The following CCDC40 variants were observed in gnomAD, a reference collection of about 807,000 sequenced individuals.
The protein encoded by CCDC40 is coiled-coil domain 40 molecular ruler complex subunit.
CCDC40 carries 104 observed loss-of-function variants against 124.5 expected under a neutral mutation model. The observed-to-expected ratio is 0.84, with a 90% CI of 0.71 to 0.98. The LOEUF is 0.98. Among genes scored for constraint, CCDC40 ranks in the 50% least tolerant of loss-of-function variants. The pLI is 0.00. For missense variants in CCDC40, 1,463 were observed against 1,503.9 expected (o/e 0.97, Z 0.45); for synonymous variants, 580 against 602.9 (o/e 0.96, Z 0.56).
intron 13 of CCDC40, among the ~76,000 whole-genome samples, chr17:80,085,225 C>A (rs567476257): frequency 6.6e-6 from 1 of 152,230 alleles, no homozygotes; most frequent in Non-Finnish European, 1.5e-5. Context: ...GGCAGTGACA[C>A]GGCTCTGCCT....
intron 18 of CCDC40, among the ~76,000 whole-genome samples, chr17:80,096,072 T>G (rs1003979228): frequency 1.6e-4 from 25 of 152,378 alleles, no homozygotes; most frequent in African/African-American, 5.8e-4. Flanking sequence ...ACAGCCCCGC[T>G]GACCCGCTGT....
intron 10 of CCDC40, among the ~76,000 whole-genome samples, chr17:80,076,575 T>C (rs2038315368): frequency 1.2e-5 from 1 of 85,168 alleles, no homozygotes; most frequent in African/African-American, 4.3e-5. Flanking sequence ...TCAGAGCCTG[T>C]CTCAAAAAAA....
chr17:80,074,848 G>A (rs2038275010), intron 10 of CCDC40, among the ~76,000 whole-genome samples: 1 of 152,110 alleles, frequency 6.6e-6, no homozygotes, highest in African/African-American at 2.4e-5. Flanking sequence ...AAAGTAAGTT[G>A]AAAACCTTCT....
chr17:80,098,224 G>T (rs2038846180), intron 19 of CCDC40, among the ~76,000 whole-genome samples: 1 of 152,208 alleles, frequency 6.6e-6, no homozygotes, highest in African/African-American at 2.4e-5. Context: ...GGAGGTTAGG[G>T]TATGTAAGAC....
rs367915605 is a variant in CCDC40, at chr17:80,056,555, G to A, written c.1160-1939G>A. On this transcript the variant is annotated intron_variant, in intron 7 of 19. Transcript: ENST00000397545. Reference sequence around the variant, plus strand: ...GGTGAACCCAGGAGGTTGAAGCTGCGGTGAGCTATGATTGTGCGACTGCAC... The same window carrying A: ...GGTGAACCCAGGAGGTTGAAGCTGCAGTGAGCTATGATTGTGCGACTGCAC... 4.3e-4 allele frequency among the ~76,000 whole-genome samples: 66 copies of A among 152,148 alleles called. 1 individual carries two copies. The East Asian group carries it at 0.012, about 28-fold the overall frequency.
At chr17:80,083,710 G>A (rs1001026766) in intron 12 of CCDC40, among the ~76,000 whole-genome samples, 3 of 152,168 alleles carry the variant, frequency 2.0e-5, no homozygotes, top group East Asian at 1.9e-4. Context: ...TAAACCCCCC[G>A]TTGCCAGAAG....
At chr17:80,068,761 C>A (rs1482815130) in intron 10 of CCDC40, among the ~76,000 whole-genome samples, 1 of 151,980 alleles carries the variant, frequency 6.6e-6, no homozygotes, top group Non-Finnish European at 1.5e-5. Flanking sequence ...TTACATGAAT[C>A]GAGCTCACCA....
chr17:80,095,583 A>C, intron 18 of CCDC40, 132 bp downstream of exon 18: 1 of 815,870 alleles, frequency 1.2e-6, no homozygotes, highest in South Asian at 1.6e-5. Flanking sequence ...CAGCACTGCT[A>C]ACCTGCTGCT....
intron 10 of CCDC40, among the ~76,000 whole-genome samples, chr17:80,070,422 A>G (rs1032124331): frequency 6.6e-6 from 1 of 152,166 alleles, no homozygotes; most frequent in Non-Finnish European, 1.5e-5. Context: ...TAGTAAAGTA[A>G]GACCTTGTCT....
chr17:80,073,580 C>T (rs976630291), intron 10 of CCDC40, among the ~76,000 whole-genome samples: 2 of 152,216 alleles, frequency 1.3e-5, no homozygotes, highest in East Asian at 1.9e-4. Context: ...GGCGTTCTTC[C>T]ATTTCTGTCC....
At chr17:80,038,321 A>G (rs1273598782) in intron 2 of CCDC40, 135 bp downstream of exon 2, 10 of 648,372 alleles carry the variant, frequency 1.5e-5, no homozygotes, top group Non-Finnish European at 2.9e-5. Flanking sequence ...ACATGAGGTT[A>G]GGAGTTTGAG....
intron 17 of CCDC40, among the ~76,000 whole-genome samples, chr17:80,094,732 C>G (rs1290100777): frequency 6.6e-6 from 1 of 152,086 alleles, no homozygotes; most frequent in Non-Finnish European, 1.5e-5. Context: ...TGGGTTCTAA[C>G]ACGCGCACAC....
At chr17:80,082,420 G>A (rs1040986380) in intron 12 of CCDC40, among the ~76,000 whole-genome samples, 2 of 150,966 alleles carry the variant, frequency 1.3e-5, no homozygotes, top group Non-Finnish European at 3.0e-5. Context: ...GGGGACTTGT[G>A]TCCTTAGAAA....
At chr17:80,061,633 C>T (rs1389146632) in intron 9 of CCDC40, among the ~76,000 whole-genome samples, 2 of 152,196 alleles carry the variant, frequency 1.3e-5, no homozygotes, top group African/African-American at 2.4e-5. Flanking sequence ...CCCGCACTTC[C>T]TTCATTTCTC....
chr17:80,095,616 A>T (rs1003419776), intron 18 of CCDC40, among the ~76,000 whole-genome samples, 165 bp downstream of exon 18: 1 of 150,270 alleles, frequency 6.7e-6, no homozygotes, highest in Non-Finnish European at 1.5e-5. Context: ...TGGGGTGAGG[A>T]TGCAGAGAGA....
At chr17:80,085,279 C>T (rs1258946247) in intron 13 of CCDC40, among the ~76,000 whole-genome samples, 1 of 152,248 alleles carries the variant, frequency 6.6e-6, no homozygotes, top group African/African-American at 2.4e-5. Flanking sequence ...GGAATGGGCA[C>T]GGCTGTGTCC....
intron 3 of CCDC40, among the ~76,000 whole-genome samples, chr17:80,043,682 T>A (rs2037343233): frequency 6.9e-6 from 1 of 145,298 alleles, no homozygotes; most frequent in Non-Finnish European, 1.5e-5. Flanking sequence ...CACGCCCGGC[T>A]AATTTTTGTA....
rs1375890683 is a variant in CCDC40, at chr17:80,040,041, G to A, written c.323G>A (p.Ser108Asn). The A allele has an allele frequency of 6.2e-7, 1 of 1,614,110 alleles. No individual in the cohort carries two copies. The highest frequency in any genetic ancestry group is 8.5e-7 in the Non-Finnish European group (1 of 1,179,926). ...TETSSPEGQISAADTTYPYFS... is the reference protein window; with the variant it reads ...TETSSPEGQINAADTTYPYFS... ...ACTTCATCCCCGGAAGGGCAAATCA[G>A]TGCTGCAGATACGACTTACCCGTAT... Residue 108 changes from serine (S) to asparagine (N), a missense_variant, in exon 3 of 20, where the codon AGT becomes AAT. By Grantham distance (46) the Ser-to-Asn change is conservative (BLOSUM62 1). Coordinates refer to ENST00000397545, the MANE Select transcript of CCDC40 (RefSeq NM_017950.4).
In CCDC40 at chr17:80,038,136, G is replaced by T; in HGVS notation, c.43G>T (p.Asp15Tyr). Residue 15 changes from aspartate (D) to tyrosine (Y), a missense_variant, in exon 2 of 20, where the codon GAT becomes TAT. Asp to Tyr is a radical substitution (Grantham distance 160, BLOSUM62 -3). Coordinates refer to ENST00000397545, the MANE Select transcript of CCDC40 (RefSeq NM_017950.4). ...CTCTAAAACCAGGTCCCATCCGGAA[G>T]ATGGATCGGCTTCTGAGGGAGAGAA... Reference protein sequence around the residue: ...GGAAGRSHPEDGSASEGEKEG... With the variant: ...GGAAGRSHPEYGSASEGEKEG... 6.2e-7 allele frequency: 1 copy of T among 1,610,818 alleles called. No individual in the cohort carries two copies. Among genetic ancestry groups the T allele is most frequent in the African/African-American group, 1.3e-5 (1 of 74,972 alleles).
Sources: gnomAD v4.1 joint callset for allele counts (sites outside exome capture counted in the v4.1 genomes callset) on GRCh38, gnomAD v4.1.1 for gene constraint, MANE v1.5 for transcripts, NCBI Gene and HGNC (gene_info 2026-07-23, HGNC 2026-07-21) for gene names.